The following CCBE1 variants were observed in gnomAD, a reference collection of about 807,000 sequenced individuals.
CCBE1 encodes the protein collagen and calcium-binding EGF domain-containing protein 1.
In CCBE1, 37 loss-of-function variants were observed where a neutral mutation model predicts 50.0. That is an observed-to-expected ratio of 0.74 (90% CI 0.57 to 0.97). CCBE1 has a LOEUF of 0.97. CCBE1 is among the 50% of genes least tolerant of loss of function. The probability of loss-of-function intolerance (pLI) is 0.00; values close to 1 mark genes in which losing one functional copy is unlikely to be tolerated. For missense variants in CCBE1, 538 were observed against 523.8 expected (o/e 1.03, Z -0.26); for synonymous variants, 234 against 203.7 (o/e 1.15, Z -1.27).
chr18:59,621,700 C>T (rs17698142), intron 2 of CCBE1, among the ~76,000 whole-genome samples: 312 of 152,336 alleles, frequency 2.0e-3, no homozygotes, highest in Non-Finnish European at 3.0e-3. Context: ...CATATCTCTC[C>T]GACTCTGAAG....
chr18:59,515,879 G>A (rs913404573), intron 2 of CCBE1, among the ~76,000 whole-genome samples: 2 of 152,200 alleles, frequency 1.3e-5, no homozygotes, highest in African/African-American at 4.8e-5. Context: ...TTACAGGTTT[G>A]AGGAGAGGAC....
chr18:59,648,341 C>A (rs150623666), intron 2 of CCBE1, among the ~76,000 whole-genome samples: 8 of 152,314 alleles, frequency 5.3e-5, no homozygotes, highest in Admixed American at 5.2e-4. Context: ...AACCGGGTGG[C>A]TGGGCCTCAC....
At chr18:59,585,233 C>T (rs542641227) in intron 2 of CCBE1, among the ~76,000 whole-genome samples, 199 of 152,220 alleles carry the variant, frequency 1.3e-3, no homozygotes, top group African/African-American at 4.6e-3. Context: ...CTGATGCCAC[C>T]TCTACTCCCA....
At chr18:59,655,267 A>G (rs1439644875) in intron 2 of CCBE1, among the ~76,000 whole-genome samples, 1 of 152,178 alleles carries the variant, frequency 6.6e-6, no homozygotes, top group Non-Finnish European at 1.5e-5. Context: ...TGACTGTAAC[A>G]TTAACATGCT....
intron 2 of CCBE1, among the ~76,000 whole-genome samples, chr18:59,625,817 T>G (rs1022271835): frequency 6.6e-6 from 1 of 152,120 alleles, no homozygotes; most frequent in Non-Finnish European, 1.5e-5. Flanking sequence ...GGTGGGGTCT[T>G]TGGGGTGGTG....
chr18:59,503,095 G>A (rs1313372077), intron 2 of CCBE1, among the ~76,000 whole-genome samples: 1 of 152,196 alleles, frequency 6.6e-6, no homozygotes, highest in Non-Finnish European at 1.5e-5. Context: ...TTCCCTCAAA[G>A]GACAGGCCTG....
chr18:59,522,783 A>T (rs1914656666), intron 2 of CCBE1, among the ~76,000 whole-genome samples: 1 of 151,982 alleles, frequency 6.6e-6, no homozygotes, highest in Non-Finnish European at 1.5e-5. Flanking sequence ...AGGTCAGGAG[A>T]TCAAGACCAT....
chr18:59,576,078 C>T (rs1438296516), intron 2 of CCBE1, among the ~76,000 whole-genome samples: 9 of 152,214 alleles, frequency 5.9e-5, no homozygotes, highest in African/African-American at 1.4e-4. Flanking sequence ...GATCCATTCA[C>T]GTTCTTGCAT....
intron 2 of CCBE1, among the ~76,000 whole-genome samples, chr18:59,527,531 CATG>C (rs1914875903): frequency 6.6e-6 from 1 of 152,112 alleles, no homozygotes; most frequent in African/African-American, 2.4e-5. Context: ...TTGATCCTGT[CATG>C]ATGCTAGCTG....
intron 2 of CCBE1, among the ~76,000 whole-genome samples, chr18:59,647,253 G>T (rs149493484): frequency 6.6e-6 from 1 of 152,210 alleles, no homozygotes; most frequent in Non-Finnish European, 1.5e-5. Flanking sequence ...GGAGTTTAAC[G>T]TAATCTCCAA....
chr18:59,503,277 G>T lies in CCBE1; in HGVS notation c.213-23039C>A, dbSNP rs186853338. Among the ~76,000 whole-genome samples the T allele has an allele frequency of 6.6e-5, 10 of 152,342 alleles. No individual in the cohort carries two copies. The East Asian group carries it at 1.9e-3, about 29-fold the overall frequency. ...CCGCTGGACATCAGGATACCTGGGT[G>T]TAACAGCAGCTACCATTTACGTAGT... On this transcript the variant is annotated intron_variant, in intron 2 of 10. Transcript: ENST00000439986.
intron 2 of CCBE1, among the ~76,000 whole-genome samples, chr18:59,561,788 G>A (rs2052742937): frequency 6.6e-6 from 1 of 152,204 alleles, no homozygotes; most frequent in Non-Finnish European, 1.5e-5. Flanking sequence ...GACCCTGAAG[G>A]CAAGGGAGAG....
intron 2 of CCBE1, among the ~76,000 whole-genome samples, chr18:59,655,623 C>T (rs1448478533): frequency 6.6e-6 from 1 of 152,194 alleles, no homozygotes; most frequent in African/African-American, 2.4e-5. Flanking sequence ...GTAGGTGTGG[C>T]TATGTTCCAA....
chr18:59,468,574 G>T (rs1407019151), intron 4 of CCBE1, among the ~76,000 whole-genome samples: 3 of 152,174 alleles, frequency 2.0e-5, no homozygotes, highest in East Asian at 1.9e-4. Flanking sequence ...CCCAAATGCC[G>T]ACAGGGAGCA....
At chr18:59,645,764 G>C (rs1264456575) in intron 2 of CCBE1, among the ~76,000 whole-genome samples, 2 of 152,174 alleles carry the variant, frequency 1.3e-5, no homozygotes, top group East Asian at 1.9e-4. Flanking sequence ...GGGCGCGGTG[G>C]CTCACGCCTA....
At chr18:59,513,937 G>T (rs535389179) in intron 2 of CCBE1, among the ~76,000 whole-genome samples, 20 of 152,286 alleles carry the variant, frequency 1.3e-4, no homozygotes, top group African/African-American at 4.8e-4. Flanking sequence ...AGCTACTGGA[G>T]GAACAGGGGA....
At chr18:59,568,653 CAG>C (rs2052864267) in intron 2 of CCBE1, 1 of 152,222 alleles carries the variant, frequency 6.6e-6, no homozygotes, top group African/African-American at 2.4e-5. Context: ...AGACCAAAAA[CAG>C]TGCACGCTGT....
At chr18:59,681,184 C>T (rs1281770143) in intron 2 of CCBE1, among the ~76,000 whole-genome samples, 1 of 152,042 alleles carries the variant, frequency 6.6e-6, no homozygotes, top group Non-Finnish European at 1.5e-5. Flanking sequence ...CCCGGAGCAG[C>T]AGAACGATGA....
At chr18:59,560,473 G>C (rs2052719341) in intron 2 of CCBE1, among the ~76,000 whole-genome samples, 1 of 152,106 alleles carries the variant, frequency 6.6e-6, no homozygotes. Flanking sequence ...AGGGGAGGGA[G>C]AGCATTAGGA....
Sources: allele counts gnomAD v4.1 joint callset (sites outside exome capture counted in the v4.1 genomes callset), GRCh38; gene constraint gnomAD v4.1.1; transcripts MANE v1.5; gene names NCBI Gene and HGNC (gene_info 2026-07-23, HGNC 2026-07-21).